SGCZ: variants seen among roughly 807,000 people sequenced by gnomAD.
SGCZ encodes the protein sarcoglycan zeta, also known as zeta-sarcoglycan.
A neutral mutation model predicts 41.3 loss-of-function variants in SGCZ; 40 were observed. The ratio of observed to expected loss-of-function variants is 0.97; its 90% CI spans 0.75 to 1.26. The LOEUF is 1.26. Ranked by LOEUF, SGCZ falls within the 50% of genes most tolerant of loss-of-function variation. SGCZ has a pLI of 0.00. For missense variants in SGCZ, 552 were observed against 369.8 expected, an observed-to-expected ratio of 1.49 and a Z score of -4.04; for synonymous variants, 206 against 137.5, an observed-to-expected ratio of 1.50 and a Z score of -3.49.
intron 1 of SGCZ, among the ~76,000 whole-genome samples, chr8:14,921,246 T>C (rs1252059221): frequency 6.6e-6 from 1 of 152,154 alleles, no homozygotes; most frequent in Non-Finnish European, 1.5e-5. Context: ...TCCACATCAA[T>C]GCCTCTCCTT....
At chr8:14,531,040 A>C (rs1803113694) in intron 2 of SGCZ, among the ~76,000 whole-genome samples, 1 of 151,928 alleles carries the variant, frequency 6.6e-6, no homozygotes, top group Non-Finnish European at 1.5e-5. Flanking sequence ...TGAACACCAA[A>C]CTACGAGCTC....
chr8:14,408,963 G>GTGTGTGTGTGTGTC (rs1799285255), intron 2 of SGCZ, among the ~76,000 whole-genome samples: 1 of 121,418 alleles, frequency 8.2e-6, no homozygotes, highest in East Asian at 2.1e-4. Context: ...GTGTGTGTGT[G>GTGTGTGTGTGTGTC]TGTGTGTGCA....
At position 14,087,133 on chromosome 8, in the gene SGCZ, GATAA is replaced by G. The variant is rs1198117518; in HGVS notation, c.*3306_*3309del. On this transcript the variant is annotated 3_prime_UTR_variant, in exon 8 of 8. Coordinates refer to ENST00000382080, the MANE Select transcript of SGCZ (RefSeq NM_139167.4). ...GGTGTATAATTGTCTTAAACTCTTA[GATAA>G]ATAATTATGTGCCAAATTATAAAAC... Among the ~76,000 whole-genome samples the G allele has an allele frequency of 3.3e-5, 5 of 151,438 alleles. No homozygotes were observed. Among genetic ancestry groups the G allele is most frequent in the Non-Finnish European group, 5.9e-5 (4 of 67,676 alleles).
At chr8:14,467,775 G>C (rs995399005) in intron 2 of SGCZ, among the ~76,000 whole-genome samples, 1 of 151,938 alleles carries the variant, frequency 6.6e-6, no homozygotes, top group Admixed American at 6.6e-5. Flanking sequence ...AACACTCCTA[G>C]AGCAAGTTAC....
At chr8:14,599,570 C>T (rs1456949930) in intron 1 of SGCZ, among the ~76,000 whole-genome samples, 2 of 152,136 alleles carry the variant, frequency 1.3e-5, no homozygotes, top group African/African-American at 2.4e-5. Flanking sequence ...AATATCTAGC[C>T]CCTTCTTGTT....
intron 1 of SGCZ, among the ~76,000 whole-genome samples, chr8:15,131,279 A>T (rs933759362): frequency 2.6e-5 from 4 of 152,112 alleles, no homozygotes; most frequent in African/African-American, 9.7e-5. Flanking sequence ...TACTGTTCTC[A>T]TGGTAGTAAG....
At chr8:14,385,774 G>C (rs1224739183) in intron 2 of SGCZ, among the ~76,000 whole-genome samples, 2 of 152,086 alleles carry the variant, frequency 1.3e-5, no homozygotes, top group Non-Finnish European at 2.9e-5. Context: ...AGAATGTTAA[G>C]GAAACCTAAA....
intron 1 of SGCZ, among the ~76,000 whole-genome samples, chr8:15,086,997 A>G (rs1041114228): frequency 2.0e-5 from 3 of 152,182 alleles, no homozygotes; most frequent in Non-Finnish European, 4.4e-5. Flanking sequence ...AGATGACATG[A>G]CACAGAAGAA....
At chr8:14,988,889 G>A (rs1801916772) in intron 1 of SGCZ, among the ~76,000 whole-genome samples, 1 of 152,122 alleles carries the variant, frequency 6.6e-6, no homozygotes, top group South Asian at 2.1e-4. Context: ...TCTAACAAAT[G>A]AATCAATAAC....
intron 3 of SGCZ, among the ~76,000 whole-genome samples, chr8:14,261,920 G>A (rs1013891222): frequency 1.3e-5 from 2 of 152,040 alleles, no homozygotes; most frequent in Non-Finnish European, 2.9e-5. Context: ...GAACTTTCAA[G>A]GTAAAATTAT....
chr8:14,438,091 T>C (rs1800144155), intron 2 of SGCZ, among the ~76,000 whole-genome samples: 1 of 151,132 alleles, frequency 6.6e-6, no homozygotes, highest in African/African-American at 2.4e-5. Context: ...AATTGATGGG[T>C]ATTTTAGAGC....
At chr8:14,181,317 C>T (rs1475891939) in intron 4 of SGCZ, among the ~76,000 whole-genome samples, 1 of 152,124 alleles carries the variant, frequency 6.6e-6, no homozygotes, top group African/African-American at 2.4e-5. Flanking sequence ...ATATTGATAC[C>T]TCCCCCTATC....
At chr8:14,787,508 ACTCT>A in intron 1 of SGCZ, among the ~76,000 whole-genome samples, 1 of 152,078 alleles carries the variant, frequency 6.6e-6, no homozygotes. Context: ...CAGTGGAATC[ACTCT>A]TTAAAAACAG....
At chr8:14,523,901 CAGATT>C (rs1802863635) in intron 2 of SGCZ, among the ~76,000 whole-genome samples, 1 of 152,008 alleles carries the variant, frequency 6.6e-6, no homozygotes, top group African/African-American at 2.4e-5. Flanking sequence ...TTCTATTGCT[CAGATT>C]AGGTAATTTC....
chr8:14,331,659 C>T (rs532236210), intron 2 of SGCZ, among the ~76,000 whole-genome samples: 3 of 152,116 alleles, frequency 2.0e-5, no homozygotes, highest in African/African-American at 7.2e-5. Flanking sequence ...TTTTACCATC[C>T]TGAATATGAT....
intron 1 of SGCZ, among the ~76,000 whole-genome samples, chr8:15,171,257 A>T (rs1156642964): frequency 1.3e-5 from 2 of 152,224 alleles, no homozygotes; most frequent in East Asian, 3.9e-4. Context: ...AAAAGCTTAA[A>T]GTTGAAAGAG....
chr8:14,496,820 G>C (rs767171539), intron 2 of SGCZ, among the ~76,000 whole-genome samples: 4 of 152,062 alleles, frequency 2.6e-5, no homozygotes, highest in African/African-American at 4.8e-5. Flanking sequence ...CTCAGTGTCT[G>C]TGTGTGTATA....
intron 3 of SGCZ, among the ~76,000 whole-genome samples, chr8:14,246,247 C>A (rs541362500): frequency 6.6e-6 from 1 of 152,136 alleles, no homozygotes; most frequent in Non-Finnish European, 1.5e-5. Context: ...CACATAGACA[C>A]CATGGAATAC....
intron 1 of SGCZ, among the ~76,000 whole-genome samples, chr8:14,599,335 C>A (rs928353521): frequency 7.9e-5 from 12 of 152,130 alleles, no homozygotes; most frequent in African/African-American, 2.7e-4. Flanking sequence ...CCTACCCTTG[C>A]TTTTTTTGTA....
Sources: allele counts gnomAD v4.1 joint callset (sites outside exome capture counted in the v4.1 genomes callset), GRCh38; gene constraint gnomAD v4.1.1; transcripts MANE v1.5; gene names NCBI Gene and HGNC (gene_info 2026-07-23, HGNC 2026-07-21).